CELF4: variants seen among roughly 807,000 people sequenced by gnomAD.
The protein encoded by CELF4 is CUG-BP- and ETR-3-like factor 4.
In CELF4, 18 loss-of-function variants were observed where a neutral mutation model predicts 59.9. The ratio of observed to expected loss-of-function variants is 0.30; its 90% confidence interval spans 0.21 to 0.45. The LOEUF (loss-of-function observed/expected upper bound fraction) is 0.45. Ranked by LOEUF, CELF4 falls within the 20% of genes least tolerant of loss-of-function variation. CELF4 has a pLI of 1.00. For missense variants in CELF4, 456 were observed against 689.0 expected (o/e 0.66, Z 3.79); for synonymous variants, 261 against 267.1 (o/e 0.98, Z 0.22).
intron 3 of CELF4, among the ~76,000 whole-genome samples, chr18:37,314,745 A>G (rs1039234882): frequency 2.0e-5 from 3 of 151,974 alleles, no homozygotes; most frequent in Non-Finnish European, 2.9e-5. Flanking sequence ...GAACAACAGG[A>G]CATTCTCACG....
intron 3 of CELF4, among the ~76,000 whole-genome samples, chr18:37,315,419 GCCAGCCA>G (rs1557216638): frequency 6.6e-6 from 1 of 152,166 alleles, no homozygotes; most frequent in Non-Finnish European, 1.5e-5. Context: ...CTTCTCCCCA[GCCAGCCA>G]CCTTGCTGGC....
chr18:37,386,075 A>C (rs546789028), intron 2 of CELF4, among the ~76,000 whole-genome samples: 1 of 152,318 alleles, frequency 6.6e-6, no homozygotes, highest in South Asian at 2.1e-4. Context: ...TGCTTTGGGC[A>C]TATTACCTGG....
intron 2 of CELF4, among the ~76,000 whole-genome samples, chr18:37,380,456 A>G (rs1447694387): frequency 2.0e-5 from 3 of 152,154 alleles, no homozygotes; most frequent in African/African-American, 7.2e-5. Flanking sequence ...CCTGCCACCC[A>G]TCTACAAGTA....
chr18:37,370,970 G>C (rs1284589764), intron 2 of CELF4, among the ~76,000 whole-genome samples: 1 of 152,140 alleles, frequency 6.6e-6, no homozygotes, highest in Non-Finnish European at 1.5e-5. Context: ...ATTCCATCCG[G>C]GGCAGCCAAA....
At chr18:37,497,751 G>T (rs1345112788) in intron 1 of CELF4, among the ~76,000 whole-genome samples, 1 of 152,136 alleles carries the variant, frequency 6.6e-6, no homozygotes, top group Non-Finnish European at 1.5e-5. Context: ...CAAAGTTTGT[G>T]CAGGGCCTAT....
chr18:37,438,680 C>T (rs1468109062), intron 2 of CELF4, among the ~76,000 whole-genome samples: 3 of 152,176 alleles, frequency 2.0e-5, no homozygotes, highest in East Asian at 1.9e-4. Context: ...CGGGACACAT[C>T]GTGTGGCTGT....
At chr18:37,532,396 C>A (rs921693482) in intron 1 of CELF4, among the ~76,000 whole-genome samples, 1 of 152,142 alleles carries the variant, frequency 6.6e-6, no homozygotes, top group Admixed American at 6.6e-5. Flanking sequence ...ACCTTTGTAA[C>A]CCTCACCCAG....
At chr18:37,280,439 C>A (rs1483805237) in intron 3 of CELF4, among the ~76,000 whole-genome samples, 2 of 152,168 alleles carry the variant, frequency 1.3e-5, no homozygotes, top group African/African-American at 4.8e-5. Flanking sequence ...GCTCTGAGAT[C>A]CCTGGAGAGT....
At chr18:37,383,046 GTA>G (rs1266179289) in intron 2 of CELF4, among the ~76,000 whole-genome samples, 2 of 151,892 alleles carry the variant, frequency 1.3e-5, no homozygotes, top group African/African-American at 4.8e-5. Flanking sequence ...ATGTATGTAT[GTA>G]TGTATGTATG....
At chr18:37,414,792 C>T (rs2099513861) in intron 2 of CELF4, among the ~76,000 whole-genome samples, 1 of 151,990 alleles carries the variant, frequency 6.6e-6, no homozygotes, top group Admixed American at 6.6e-5. Context: ...CCACAAAGCC[C>T]GGCCCTAATT....
At chr18:37,447,237 C>A (rs1239371404) in intron 2 of CELF4, among the ~76,000 whole-genome samples, 1 of 152,238 alleles carries the variant, frequency 6.6e-6, no homozygotes, top group Non-Finnish European at 1.5e-5. Flanking sequence ...CATCCAAATT[C>A]ATGTGATCCA....
rs190893192 is a variant in CELF4 at position 37,383,415 on chromosome 18, G to A, written c.370-61534C>T. Among the ~76,000 whole-genome samples, 15 of 152,340 alleles carry A rather than the reference G, an allele frequency of 9.8e-5. 1 individual carries two copies. Among genetic ancestry groups the A allele is most frequent in the Admixed American group, 8.5e-4 (13 of 15,306 alleles). ...AAAACTTGGTTTTATACTGAATAAG[G>A]AAACCGAGAGCTTGGGGTGCATTTT... On this transcript the variant is annotated intron_variant, in intron 2 of 12. Coordinates refer to ENST00000420428, the MANE Select transcript of CELF4 (RefSeq NM_020180.4).
At chr18:37,422,973 C>T (rs1354364439) in intron 2 of CELF4, among the ~76,000 whole-genome samples, 1 of 152,226 alleles carries the variant, frequency 6.6e-6, no homozygotes, top group Non-Finnish European at 1.5e-5. Flanking sequence ...GCCACTTTCT[C>T]TGCTTCTTCA....
At chr18:37,552,169 T>C (rs1171708986) in intron 1 of CELF4, among the ~76,000 whole-genome samples, 3 of 152,214 alleles carry the variant, frequency 2.0e-5, no homozygotes, top group Non-Finnish European at 2.9e-5. Context: ...CGGGACAGTT[T>C]TATGTTTGTG....
intron 2 of CELF4, among the ~76,000 whole-genome samples, chr18:37,327,029 A>T (rs2097341077): frequency 1.3e-5 from 2 of 152,214 alleles, no homozygotes; most frequent in South Asian, 4.1e-4. Context: ...TGATACAATT[A>T]GAATAAATAC....
rs544649653 is a variant in CELF4 at position 37,391,868 on chromosome 18, G to A, written c.370-69987C>T. Among the ~76,000 whole-genome samples, 17 of 152,342 alleles carry A rather than the reference G, an allele frequency of 1.1e-4. No individual in the cohort carries two copies. The South Asian group carries it at 1.5e-3, about 13-fold the overall frequency. On this transcript the variant is annotated intron_variant, in intron 2 of 12. Transcript: ENST00000420428. ...AGAGGCTGCAGTGAGTGTGCTCTGCGCAGACAGGAGCAGGCAGTCGGCACC... is the reference window on the plus strand; with the variant it reads ...AGAGGCTGCAGTGAGTGTGCTCTGCACAGACAGGAGCAGGCAGTCGGCACC...
chr18:37,514,870 T>TA (rs1399909528), intron 1 of CELF4, among the ~76,000 whole-genome samples: 2 of 152,110 alleles, frequency 1.3e-5, no homozygotes, highest in South Asian at 2.1e-4. Context: ...GGGTGGAAAT[T>TA]AAAAAAAGGA....
intron 11 of CELF4, among the ~76,000 whole-genome samples, chr18:37,257,135 A>C (rs946825941): frequency 1.3e-5 from 2 of 152,178 alleles, no homozygotes; most frequent in Admixed American, 1.3e-4. Context: ...CAGCTTAAAG[A>C]GGGTAGTGCT....
chr18:37,402,105 A>C (rs1020402706), intron 2 of CELF4, among the ~76,000 whole-genome samples: 1 of 151,924 alleles, frequency 6.6e-6, no homozygotes, highest in Admixed American at 6.6e-5. Context: ...TCTGGACTCT[A>C]CCTCTGGGCT....
Sources: gnomAD v4.1 joint callset for allele counts (sites outside exome capture counted in the v4.1 genomes callset) on GRCh38, gnomAD v4.1.1 for gene constraint, MANE v1.5 for transcripts, NCBI Gene and HGNC (gene_info 2026-07-23, HGNC 2026-07-21) for gene names.